NBAS: variants seen among roughly 807,000 people sequenced by gnomAD.
NBAS encodes NBAS subunit of NRZ tethering complex.
NBAS carries 219 observed loss-of-function variants against 302.5 expected under a neutral mutation model. That is an observed-to-expected ratio of 0.72 (90% confidence interval 0.65 to 0.81). The LOEUF is 0.81. Ranked by LOEUF, NBAS falls within the 30% of genes least tolerant of loss-of-function variation. The probability of loss-of-function intolerance (pLI) is 0.00; values close to 1 mark genes in which losing one functional copy is unlikely to be tolerated. For missense variants in NBAS, 2,932 were observed against 2,841.6 expected (o/e 1.03, Z -0.72); for synonymous variants, 1,118 against 1,021.6 (o/e 1.09, Z -1.80).
chr2:15,482,407 C>T (rs1298706785), intron 12 of NBAS, among the ~76,000 whole-genome samples: 9 of 152,126 alleles, frequency 5.9e-5, no homozygotes, highest in African/African-American at 9.7e-5. Context: ...AATGAGCCAC[C>T]GCACCCAACC....
chr2:14,846,820 A>G, the NBAS span, among the ~76,000 whole-genome samples: 1 of 152,162 alleles, frequency 6.6e-6, no homozygotes, highest in Non-Finnish European at 1.5e-5. Context: ...TAAAATGGAC[A>G]CACAAAAAAA....
intron 25 of NBAS, among the ~76,000 whole-genome samples, chr2:15,413,147 T>C (rs969903920): frequency 1.3e-5 from 2 of 152,372 alleles, no homozygotes; most frequent in East Asian, 3.9e-4. Flanking sequence ...TCTGTATGTA[T>C]GTCTTGAATT....
the NBAS span, among the ~76,000 whole-genome samples, chr2:14,824,418 A>G: frequency 6.6e-6 from 1 of 152,328 alleles, no homozygotes; most frequent in East Asian, 1.9e-4. Flanking sequence ...CCTCTTCAAT[A>G]CCAGCACATA....
intron 6 of NBAS, among the ~76,000 whole-genome samples, chr2:15,542,733 T>C (rs11687702): frequency 0.64 from 96,825 of 151,978 alleles, 31,572 homozygotes; most frequent in Non-Finnish European, 0.68. Flanking sequence ...TATGCACAGA[T>C]GCTACATAAA....
At chr2:15,173,584 T>C (rs1572393812) in intron 51 of NBAS, among the ~76,000 whole-genome samples, 1 of 152,236 alleles carries the variant, frequency 6.6e-6, no homozygotes, top group Non-Finnish European at 1.5e-5. Context: ...TTGTATTCTG[T>C]ATTTACTTGA....
At chr2:14,887,968 C>G in the NBAS span, among the ~76,000 whole-genome samples, 1 of 152,148 alleles carries the variant, frequency 6.6e-6, no homozygotes, top group East Asian at 1.9e-4. Context: ...AGAGCAACAA[C>G]CCATGAAAGC....
the NBAS span, among the ~76,000 whole-genome samples, chr2:14,871,121 T>C: frequency 4.1e-5 from 6 of 145,886 alleles, no homozygotes; most frequent in East Asian, 1.0e-3. Context: ...GAAAAAAAGA[T>C]TGAAAAAACA....
At chr2:14,891,383 A>T in the NBAS span, among the ~76,000 whole-genome samples, 4 of 152,174 alleles carry the variant, frequency 2.6e-5, no homozygotes, top group Non-Finnish European at 5.9e-5. Flanking sequence ...CATGAAGCGG[A>T]TTTTAATTTC....
the NBAS span, among the ~76,000 whole-genome samples, chr2:14,809,924 G>A: frequency 4.6e-5 from 7 of 152,330 alleles, no homozygotes; most frequent in African/African-American, 1.2e-4. Context: ...AGCCAAACGA[G>A]ATCATTTTGG....
intron 25 of NBAS, among the ~76,000 whole-genome samples, chr2:15,413,972 G>A (rs987094920): frequency 5.3e-5 from 8 of 152,232 alleles, no homozygotes; most frequent in Admixed American, 4.6e-4. Context: ...AAGGATTTAC[G>A]GAAGTATAAC....
At position 15,384,566 on chromosome 2, in the gene NBAS, T is replaced by A. The variant is rs1266101316; in HGVS notation, c.3258-1249A>T. ...CTGGTAAACATTCAACAAATGTGAA[T>A]GAATGAATCTGAAATTACAAATACA... On this transcript the variant is annotated intron_variant, in intron 28 of 51. Coordinates refer to ENST00000281513, the MANE Select transcript of NBAS (RefSeq NM_015909.4). Among the ~76,000 whole-genome samples the A allele has an allele frequency of 3.3e-5, 5 of 149,328 alleles. No homozygotes were observed. In the East Asian group the frequency reaches 1.1e-3, roughly 32 times the overall value.
rs1185358358 is a variant in NBAS at position 15,304,042 on chromosome 2, G to A, written c.4797+4174C>T. 5.9e-5 allele frequency among the ~76,000 whole-genome samples: 9 copies of A among 152,182 alleles called. No homozygotes were observed. The East Asian group carries it at 7.7e-4, about 13-fold the overall frequency. The stretch of plus-strand genomic sequence containing the variant: ...GTGTGGCACATGAGGGATGCTTAAC[G>A]ACTGACAGCTGACTGATGGAGTGGC... On this transcript the variant is annotated intron_variant, in intron 40 of 51. Coordinates refer to ENST00000281513, the MANE Select transcript of NBAS (RefSeq NM_015909.4).
chr2:15,114,148 A>T, the NBAS span, among the ~76,000 whole-genome samples: 3 of 152,222 alleles, frequency 2.0e-5, no homozygotes, highest in Non-Finnish European at 4.4e-5. Flanking sequence ...CAAGAAAATC[A>T]TAAAGGTGGA....
the NBAS span, among the ~76,000 whole-genome samples, chr2:15,000,789 ATGACAGTAGTGATCAGGCTCC>A: frequency 6.6e-6 from 1 of 152,184 alleles, no homozygotes; most frequent in Non-Finnish European, 1.5e-5. Flanking sequence ...CTCAAGCCCA[ATGACAGTAGTGATCAGGCTCC>A]TGCTTGAGAG....
At chr2:15,012,305 A>G in the NBAS span, among the ~76,000 whole-genome samples, 1 of 152,150 alleles carries the variant, frequency 6.6e-6, no homozygotes, top group Non-Finnish European at 1.5e-5. Flanking sequence ...ACAATAGACT[A>G]TACCAAGCAA....
intron 13 of NBAS, among the ~76,000 whole-genome samples, chr2:15,477,300 C>T (rs1050290485): frequency 6.6e-6 from 1 of 151,806 alleles, no homozygotes; most frequent in East Asian, 1.9e-4. Flanking sequence ...CTCACTCTGT[C>T]GCCCAGGCTG....
the NBAS span, among the ~76,000 whole-genome samples, chr2:14,990,148 C>T: frequency 1.3e-5 from 2 of 151,160 alleles, no homozygotes; most frequent in Non-Finnish European, 2.9e-5. Context: ...TGCAGTGGCT[C>T]ACACCTGTAA....
chr2:15,308,273 G>A lies in NBAS; in HGVS notation c.4740C>T (p.Leu1580=), dbSNP rs766659690. ...ATGGGGCCAATCGGGCATAGATCTG[G>A]AGGCTATAGTAATACGCTGCCAGCT... ...SLQLAAYYYS[L]QIYARLAPCF... is the part of the protein sequence containing the mutation. The change falls in exon 40 of 52, where the codon CTC becomes CTT. Residue 1580 remains leucine, a synonymous_variant. Coordinates refer to ENST00000281513, the MANE Select transcript of NBAS (RefSeq NM_015909.4). 1 of 1,614,222 alleles carries A rather than the reference G, an allele frequency of 6.2e-7. No homozygotes were observed. The highest frequency in any genetic ancestry group is 1.1e-5 in the South Asian group (1 of 91,084).
At chr2:14,788,891 A>C in the NBAS span, among the ~76,000 whole-genome samples, 1 of 152,182 alleles carries the variant, frequency 6.6e-6, no homozygotes, top group African/African-American at 2.4e-5. Flanking sequence ...AAGTCTGCAG[A>C]GGTTACTGCT....
Sources: allele counts gnomAD v4.1 joint callset (sites outside exome capture counted in the v4.1 genomes callset), GRCh38; gene constraint gnomAD v4.1.1; transcripts MANE v1.5; gene names NCBI Gene and HGNC (gene_info 2026-07-23, HGNC 2026-07-21).